The following MAJIN variants were observed in gnomAD, a reference collection of about 807,000 sequenced individuals.
The protein encoded by MAJIN is membrane-anchored junction protein.
In MAJIN, 27 loss-of-function variants were observed where a neutral mutation model predicts 30.2. The observed-to-expected ratio is 0.89, with a 90% CI of 0.66 to 1.23. MAJIN has a LOEUF of 1.23. Among genes scored for constraint, MAJIN ranks in the 50% most tolerant of loss-of-function variants. MAJIN has a pLI of 0.00. For missense variants in MAJIN, 253 were observed against 260.3 expected, an observed-to-expected ratio of 0.97 and a Z score of 0.19; for synonymous variants, 78 against 91.6, an observed-to-expected ratio of 0.85 and a Z score of 0.85.
chr11:64,946,166 G>A (rs1945448620), intron 8 of MAJIN: 1 of 1,533,206 alleles, frequency 6.5e-7, no homozygotes. Flanking sequence ...GAGGTGGGGG[G>A]AAAATATGCA....
intron 1 of MAJIN, among the ~76,000 whole-genome samples, chr11:64,964,461 T>A (rs907620733): frequency 6.6e-6 from 1 of 152,192 alleles, no homozygotes; most frequent in African/African-American, 2.4e-5. Context: ...ATTGTTGACT[T>A]CTTTGGCACA....
At chr11:64,966,524 G>A (rs1189407170) in intron 1 of MAJIN, among the ~76,000 whole-genome samples, 8 of 152,026 alleles carry the variant, frequency 5.3e-5, no homozygotes, top group Admixed American at 5.3e-4. Flanking sequence ...AACACAGAGT[G>A]AGACTCCATC....
intron 1 of MAJIN, among the ~76,000 whole-genome samples, chr11:64,964,605 T>C (rs1272056885): frequency 1.3e-5 from 2 of 152,084 alleles, no homozygotes; most frequent in Middle Eastern, 6.8e-3. Context: ...TAATTTTTTT[T>C]TTTTTTTGAG....
intron 2 of MAJIN, 57 bp from the exon 3 acceptor site, chr11:64,959,479 G>T: frequency 7.0e-7 from 1 of 1,424,732 alleles, no homozygotes. Flanking sequence ...TTATTTACAG[G>T]AAAGGGAACC....
intron 8 of MAJIN, among the ~76,000 whole-genome samples, chr11:64,943,983 C>T (rs1945413839): frequency 6.6e-6 from 1 of 152,190 alleles, no homozygotes; most frequent in Non-Finnish European, 1.5e-5. Context: ...ACAACTGGGG[C>T]CCTGGACTCT....
chr11:64,940,297 G>A (rs917754438), intron 9 of MAJIN, among the ~76,000 whole-genome samples: 14 of 152,136 alleles, frequency 9.2e-5, no homozygotes, highest in Admixed American at 7.9e-4. Flanking sequence ...CACCTCACTC[G>A]GAAATGTTTT....
At position 64,950,415 on chromosome 11, in the gene MAJIN, C is replaced by A; in HGVS notation, c.163G>T (p.Val55Phe). The change falls in exon 5 of 11, where the codon GTC becomes TTC. Residue 55 changes from valine to phenylalanine, a missense_variant. Physicochemically the swap from Val to Phe is conservative, Grantham distance 50. Transcript: ENST00000301896. ...TGAAGATTGTCCAAGTTTCCCAAGA[C>A]CACGCGGACAGAATCCTGAAAAACA... The part of the protein sequence containing the change: ...TQELEDSVRV[V>F]LGNLDNLQPF... 6.2e-7 allele frequency: 1 copy of A among 1,612,540 alleles called. No homozygotes were observed. Among genetic ancestry groups the A allele is most frequent in the Admixed American group, 1.7e-5 (1 of 59,878 alleles).
chr11:64,970,095 G>A (rs1945874289), intron 1 of MAJIN, among the ~76,000 whole-genome samples: 1 of 152,058 alleles, frequency 6.6e-6, no homozygotes, highest in South Asian at 2.1e-4. Context: ...CAGGCGCAGT[G>A]ACACTTGCCT....
intron 1 of MAJIN, among the ~76,000 whole-genome samples, chr11:64,961,910 T>C (rs1405023993): frequency 6.6e-6 from 1 of 151,682 alleles, no homozygotes; most frequent in Non-Finnish European, 1.5e-5. Flanking sequence ...CACCTTAGCC[T>C]CCAGAGTAGC....
intron 1 of MAJIN, among the ~76,000 whole-genome samples, chr11:64,969,931 A>T (rs1945871668): frequency 1.3e-5 from 2 of 152,150 alleles, no homozygotes; most frequent in Non-Finnish European, 2.9e-5. Flanking sequence ...AAATTTTTGA[A>T]GGCAAGATGT....
intron 3 of MAJIN, 144 bp downstream of exon 3, chr11:64,959,161 A>G: frequency 1.7e-6 from 1 of 587,244 alleles, no homozygotes; most frequent in Non-Finnish European, 3.0e-6. Flanking sequence ...TATACTGAAT[A>G]TAAAATTCCT....
intron 8 of MAJIN, among the ~76,000 whole-genome samples, chr11:64,946,984 G>C (rs1204803852): frequency 4.6e-5 from 7 of 152,082 alleles, no homozygotes; most frequent in Non-Finnish European, 8.8e-5. Context: ...GGGTAAAATA[G>C]AATTATATTT....
At position 64,947,361 on chromosome 11, in the gene MAJIN, C is replaced by T; in HGVS notation, c.473+13G>A. 1 of 1,607,170 alleles carries T rather than the reference C, an allele frequency of 6.2e-7. No homozygotes were observed. The highest frequency in any genetic ancestry group is 1.1e-5 in the South Asian group (1 of 90,236). On this transcript the variant is annotated intron_variant, in intron 8 of 10. Transcript: ENST00000301896. ...AGGACGCAGGAGCGAGCCTCTCTCCCCACACCACTGACCTGTCCAGCCCTG... is the reference window on the plus strand; with the variant it reads ...AGGACGCAGGAGCGAGCCTCTCTCCTCACACCACTGACCTGTCCAGCCCTG...
At chr11:64,948,640 T>TATATATA (rs869204077) in intron 6 of MAJIN, among the ~76,000 whole-genome samples, 5 of 7,542 alleles carry the variant, frequency 6.6e-4, no homozygotes, top group African/African-American at 1.9e-3. Context: ...TATATATATA[T>TATATATA]TTTTTTTTTT....
At chr11:64,950,238 G>T in intron 5 of MAJIN, 117 bp downstream of exon 5, 1 of 875,472 alleles carries the variant, frequency 1.1e-6, no homozygotes, top group South Asian at 1.8e-5. Context: ...GCTGAGGCAA[G>T]AGAATCGCTT....
chr11:64,959,076 C>T (rs750660611), intron 3 of MAJIN, among the ~76,000 whole-genome samples: 3 of 139,018 alleles, frequency 2.2e-5, no homozygotes, highest in Admixed American at 7.9e-5. Flanking sequence ...GACAACATAG[C>T]GAGATCTGCT....
intron 1 of MAJIN, among the ~76,000 whole-genome samples, chr11:64,962,574 AAAGACAT>A (rs1180146459): frequency 6.6e-6 from 1 of 152,192 alleles, no homozygotes; most frequent in African/African-American, 2.4e-5. Flanking sequence ...GGATAGTGCA[AAAGACAT>A]AAGATTTGGA....
intron 1 of MAJIN, among the ~76,000 whole-genome samples, chr11:64,971,142 A>G (rs1945895030): frequency 6.6e-6 from 1 of 151,556 alleles, no homozygotes; most frequent in South Asian, 2.1e-4. Context: ...AAAACACCAA[A>G]ATTAGCCGGG....
chr11:64,938,616 T>C lies in MAJIN; in HGVS notation c.*2-43A>G, dbSNP rs1565115700. ...GAGTAGGCTGAGACTCTATGAGGTC[T>C]CCTTCCCTTCTCCCCATTTCCCATT... On this transcript the variant is annotated intron_variant, in intron 10 of 10. Coordinates refer to ENST00000301896, the MANE Select transcript of MAJIN (RefSeq NM_001037225.3). 1.3e-6 allele frequency: 2 copies of C among 1,522,326 alleles called. 1 individual carries two copies. The highest frequency in any genetic ancestry group is 2.4e-5 in the South Asian group (2 of 83,800). 94.3% of individuals were successfully genotyped at this position (1,522,326 alleles called of 1,614,324 possible). A position where few individuals can be genotyped will look rare whatever the true frequency, so the allele number is the denominator to read the frequency against.
Sources: allele counts gnomAD v4.1 joint callset (sites outside exome capture counted in the v4.1 genomes callset), GRCh38; gene constraint gnomAD v4.1.1; transcripts MANE v1.5; gene names NCBI Gene and HGNC (gene_info 2026-07-23, HGNC 2026-07-21).